The following OSBPL10 variants were observed in gnomAD, a reference collection of about 807,000 sequenced individuals.
OSBPL10 encodes oxysterol-binding protein-related protein 10.
OSBPL10 carries 49 observed loss-of-function variants against 81.7 expected under a neutral mutation model. The ratio of observed to expected loss-of-function variants is 0.60; its 90% CI spans 0.48 to 0.76. OSBPL10 has a LOEUF of 0.76. Among genes scored for constraint, OSBPL10 ranks in the 30% least tolerant of loss-of-function variants. OSBPL10 has a pLI of 0.00. For missense variants in OSBPL10, 923 were observed against 987.8 expected (o/e 0.93, Z 0.88); for synonymous variants, 419 against 383.6 (o/e 1.09, Z -1.08).
chr3:31,781,593 G>T (rs1698697630), intron 4 of OSBPL10, among the ~76,000 whole-genome samples: 1 of 152,152 alleles, frequency 6.6e-6, no homozygotes, highest in Non-Finnish European at 1.5e-5. Flanking sequence ...TCTGATAAAT[G>T]AATTCAGTGA....
intron 4 of OSBPL10, among the ~76,000 whole-genome samples, chr3:31,773,327 T>G (rs1698437055): frequency 6.6e-6 from 1 of 152,172 alleles, no homozygotes. Context: ...ACAACCTTCC[T>G]GCACTCGTCA....
chr3:31,787,568 C>T (rs1698890997), intron 4 of OSBPL10, among the ~76,000 whole-genome samples: 1 of 149,566 alleles, frequency 6.7e-6, no homozygotes, highest in South Asian at 2.1e-4. Flanking sequence ...GCACTCCAGC[C>T]TGGACGACAG....
At chr3:31,734,730 A>C (rs9812172) in intron 5 of OSBPL10, among the ~76,000 whole-genome samples, 15,719 of 152,086 alleles carry the variant, frequency 0.1, 1,565 homozygotes, top group African/African-American at 0.26. Flanking sequence ...AATGCAAGAC[A>C]CTGTCTCCAA....
intron 1 of OSBPL10, among the ~76,000 whole-genome samples, chr3:31,912,856 T>G (rs6796319): frequency 0.18 from 27,763 of 152,106 alleles, 2,789 homozygotes; most frequent in East Asian, 0.31. Flanking sequence ...CATGGCCTGC[T>G]CAATCCATTT....
chr3:31,891,514 T>C (rs1695890088), intron 1 of OSBPL10, among the ~76,000 whole-genome samples: 1 of 152,216 alleles, frequency 6.6e-6, no homozygotes, highest in Non-Finnish European at 1.5e-5. Context: ...ACCGTCTCTG[T>C]GCCCAAAGGT....
At chr3:32,052,734 A>G (rs776651782) in intron 1 of OSBPL10, among the ~76,000 whole-genome samples, 1 of 152,158 alleles carries the variant, frequency 6.6e-6, no homozygotes, top group Non-Finnish European at 1.5e-5. Flanking sequence ...GTTCTCACTT[A>G]CAAGTGGGAG....
intron 1 of OSBPL10, among the ~76,000 whole-genome samples, chr3:31,950,928 G>A (rs776128716): frequency 4.1e-4 from 63 of 152,132 alleles, no homozygotes; most frequent in Non-Finnish European, 6.8e-4. Flanking sequence ...TGCCATGCCT[G>A]TACAGTCTTC....
intron 1 of OSBPL10, among the ~76,000 whole-genome samples, chr3:32,051,969 C>T (rs1050697427): frequency 2.6e-5 from 4 of 151,938 alleles, no homozygotes; most frequent in Admixed American, 6.6e-5. Flanking sequence ...ATTGGTAGGC[C>T]GGGTGCAGTG....
At position 31,837,321 on chromosome 3, in the gene OSBPL10, T is replaced by TTA. The variant is rs59797512; in HGVS notation, c.538-7092_538-7091dup. On this transcript the variant is annotated intron_variant, in intron 3 of 11. Coordinates refer to ENST00000396556, the MANE Select transcript of OSBPL10 (RefSeq NM_017784.5). ...ATTCCTAGAATTACAGATCCCCAAA[T>TTA]TATATATATATATATATATATATAT... Among the ~76,000 whole-genome samples the TTA allele has an allele frequency of 4.1e-3, 240 of 58,682 alleles. 1 individual carries two copies. The highest frequency in any genetic ancestry group is 6.0e-3 in the Non-Finnish European group (160 of 26,838). The allele number at this position is 58,682 out of a possible 152,430, so 38.5% of individuals were successfully genotyped here.
At chr3:32,008,563 T>G (rs1699225209) in intron 2 of OSBPL10, among the ~76,000 whole-genome samples, 1 of 134,678 alleles carries the variant, frequency 7.4e-6, no homozygotes. Context: ...AAACCCCGTT[T>G]CTACAAAAAA....
At chr3:31,692,772 A>G (rs1271835012) in intron 7 of OSBPL10, among the ~76,000 whole-genome samples, 1 of 152,232 alleles carries the variant, frequency 6.6e-6, no homozygotes, top group Non-Finnish European at 1.5e-5. Context: ...AACTGCCCAG[A>G]GAGGTTTTGC....
At chr3:31,794,434 G>A (rs533668060) in intron 4 of OSBPL10, 10 of 165,224 alleles carry the variant, frequency 6.1e-5, no homozygotes, top group South Asian at 1.7e-4. Flanking sequence ...GATTACAGCC[G>A]TGAGCCACCG....
At position 31,723,572 on chromosome 3, in the gene OSBPL10, C is replaced by CACACACACACACACACA. The variant is rs753039730; in HGVS notation, c.1095+9684_1095+9685insTGTGTGTGTGTGTGTGT. ...CACACACACACACACACACACACAC[C>CACACACACACACACACA]CCTTTCCCTCTAGTTGCTCACATCC... On this transcript the variant is annotated intron_variant, in intron 6 of 11. Transcript: ENST00000396556. Among the ~76,000 whole-genome samples, 251 of 146,752 alleles carry CACACACACACACACACA rather than the reference C, an allele frequency of 1.7e-3. 2 individuals are homozygous for CACACACACACACACACA. Among genetic ancestry groups the CACACACACACACACACA allele is most frequent in the South Asian group, 3.8e-3 (18 of 4,706 alleles).
intron 4 of OSBPL10, among the ~76,000 whole-genome samples, chr3:31,763,294 A>T (rs1698108128): frequency 6.6e-6 from 1 of 152,228 alleles, no homozygotes; most frequent in South Asian, 2.1e-4. Flanking sequence ...AAGTCTTCTG[A>T]TTAATCTACT....
chr3:31,686,557 T>C (rs77260585), intron 7 of OSBPL10, among the ~76,000 whole-genome samples: 3,291 of 152,320 alleles, frequency 0.022, 122 homozygotes, highest in African/African-American at 0.074. Context: ...CTGAGTGATT[T>C]TAACACTTTT....
At chr3:31,837,602 C>A in intron 3 of OSBPL10, among the ~76,000 whole-genome samples, 4 of 140,248 alleles carry the variant, frequency 2.9e-5, no homozygotes, top group East Asian at 4.2e-4. Flanking sequence ...CACTAGCCAA[C>A]AAAATAGGAC....
rs1279085193 is a variant in OSBPL10 at position 31,661,683 on chromosome 3, A to G, written c.*389T>C. ...TTTTGACAGGAGTTGACTAAGTGAG[A>G]ATATCTTTGTGAGTGTAAAACATTT... is the stretch of plus-strand genomic sequence containing the variant. On this transcript the variant is annotated 3_prime_UTR_variant, in exon 12 of 12. Coordinates refer to ENST00000396556, the MANE Select transcript of OSBPL10 (RefSeq NM_017784.5). 6.3e-6 allele frequency: 1 copy of G among 159,584 alleles called. No individual in the cohort carries two copies. The highest frequency in any genetic ancestry group is 1.4e-5 in the Non-Finnish European group (1 of 73,120). The allele number at this position is 159,584 out of a possible 1,614,324, so 9.9% of individuals were successfully genotyped here.
chr3:32,015,003 G>A (rs1462916717), intron 2 of OSBPL10, among the ~76,000 whole-genome samples: 1 of 152,158 alleles, frequency 6.6e-6, no homozygotes. Context: ...TCAATATCGT[G>A]AAAATGGCCA....
At position 31,931,757 on chromosome 3, in the gene OSBPL10, GAATAAAT is replaced by G. The variant is rs1697255140; in HGVS notation, c.281+49135_281+49141del. On this transcript the variant is annotated intron_variant, in intron 1 of 11. Coordinates refer to ENST00000396556, the MANE Select transcript of OSBPL10 (RefSeq NM_017784.5). ...CTCAAGAAATGTTATTTGAATAAAT[GAATAAAT>G]AATAAATAGTGATGTAATTTACAGA... is the stretch of plus-strand genomic sequence containing the variant. 2.0e-5 allele frequency among the ~76,000 whole-genome samples: 3 copies of G among 152,220 alleles called. No homozygotes were observed. The South Asian group carries it at 6.2e-4, about 31-fold the overall frequency.
Sources: allele counts gnomAD v4.1 joint callset (sites outside exome capture counted in the v4.1 genomes callset), GRCh38; gene constraint gnomAD v4.1.1; transcripts MANE v1.5; gene names NCBI Gene and HGNC (gene_info 2026-07-23, HGNC 2026-07-21).